Variants in TM7SF3 observed in about 807,000 individuals in gnomAD.
The protein encoded by TM7SF3 is transmembrane 7 superfamily member 3.
TM7SF3 carries 60 observed loss-of-function variants against 65.5 expected under a neutral mutation model. The observed-to-expected ratio is 0.92, with a 90% CI of 0.74 to 1.14. TM7SF3 has a LOEUF of 1.14. Ranked by LOEUF, TM7SF3 falls within the 50% of genes most tolerant of loss-of-function variation. The pLI is 0.00. For missense variants in TM7SF3, 623 were observed against 684.8 expected, an observed-to-expected ratio of 0.91 and a Z score of 1.01; for synonymous variants, 264 against 259.6, an observed-to-expected ratio of 1.02 and a Z score of -0.16.
chr12:27,010,419 A>G (rs1307190503), intron 1 of TM7SF3, among the ~76,000 whole-genome samples: 1 of 152,256 alleles, frequency 6.6e-6, no homozygotes, highest in Non-Finnish European at 1.5e-5. Flanking sequence ...GTTGAGAAAG[A>G]GACTTCCGAA....
Position 26,979,935 on chromosome 12 carries a change from C to G in TM7SF3, c.1038G>C (p.Val346=). The G allele has an allele frequency of 6.2e-7, 1 of 1,614,108 alleles. No homozygotes were observed. The change falls in exon 9 of 12, where the codon GTG becomes GTC. Residue 346 remains valine (V), a splice_region_variant and synonymous_variant. Coordinates refer to ENST00000343028, the MANE Select transcript of TM7SF3 (RefSeq NM_016551.3). The part of the protein sequence containing the change: ...ITRLTPIKYD[V]NLILTAVTGS... ...CAGTGACAGCTGTCAGAATCAGATT[C>G]ACTGTACAAAGAGAGAGGATGAACT...
At position 27,000,785 on chromosome 12, in the gene TM7SF3, A is replaced by G. The variant is rs117636066; in HGVS notation, c.247-1109T>C. On this transcript the variant is annotated intron_variant, in intron 2 of 11. Transcript: ENST00000343028. ...ATAAAGTATACTTTTAAGTGTTGAT[A>G]TACAGACACCTGTGAAACCATTACC... 6.9e-4 allele frequency among the ~76,000 whole-genome samples: 105 copies of G among 152,286 alleles called. No individual in the cohort carries two copies. In the East Asian group the frequency reaches 0.02, roughly 28 times the overall value.
rs1259981405 is a variant in TM7SF3 at position 26,971,958 on chromosome 12, C to G, written c.*2007G>C. 1 of 152,112 alleles carries G rather than the reference C, an allele frequency of 6.6e-6. No individual in the cohort carries two copies. Among genetic ancestry groups the G allele is most frequent in the Non-Finnish European group, 1.5e-5 (1 of 68,014 alleles). 9.4% of individuals were successfully genotyped at this position (152,112 alleles called of 1,614,324 possible). On this transcript the variant is annotated 3_prime_UTR_variant, in exon 12 of 12. Transcript: ENST00000343028. ...AAAAGTTAAATATTTTTCCAGTTAC[C>G]TGAAACTTCAAAAATCTATTGTACT...
chr12:27,008,602 T>C (rs1370229777), intron 1 of TM7SF3, among the ~76,000 whole-genome samples: 3 of 152,176 alleles, frequency 2.0e-5, no homozygotes. Context: ...TATACCAAGA[T>C]CATGAAGATA....
At chr12:26,993,257 C>A (rs1350334176) in intron 5 of TM7SF3, among the ~76,000 whole-genome samples, 1 of 152,110 alleles carries the variant, frequency 6.6e-6, no homozygotes, top group Non-Finnish European at 1.5e-5. Flanking sequence ...AAACCAAGTT[C>A]CATGCATGGT....
intron 5 of TM7SF3, among the ~76,000 whole-genome samples, chr12:26,992,372 A>G (rs1328372395): frequency 6.6e-6 from 1 of 151,922 alleles, no homozygotes; most frequent in African/African-American, 2.4e-5. Context: ...TCTGCCTCCC[A>G]GGTTCACGCC....
chr12:27,001,911 G>A (rs1940844886), intron 2 of TM7SF3, among the ~76,000 whole-genome samples: 1 of 152,152 alleles, frequency 6.6e-6, no homozygotes, highest in Admixed American at 6.5e-5. Context: ...TAGCTGCAAA[G>A]AACTTGGGCA....
chr12:26,980,697 G>T, intron 7 of TM7SF3, 51 bp from the exon 8 acceptor site: 1 of 916,196 alleles, frequency 1.1e-6, no homozygotes, highest in East Asian at 2.5e-5. Flanking sequence ...CAAAAGCTAT[G>T]GTTAAGCACC....
intron 7 of TM7SF3, among the ~76,000 whole-genome samples, chr12:26,981,786 C>T (rs1003374675): frequency 6.6e-5 from 10 of 152,122 alleles, no homozygotes; most frequent in Admixed American, 2.6e-4. Flanking sequence ...TTTTAATAAT[C>T]GAAAACATCA....
At chr12:27,012,119 T>C (rs1941265812) in intron 1 of TM7SF3, among the ~76,000 whole-genome samples, 1 of 152,154 alleles carries the variant, frequency 6.6e-6, no homozygotes. Context: ...CAAAGCACCA[T>C]GCCATGTAAG....
intron 1 of TM7SF3, among the ~76,000 whole-genome samples, chr12:27,004,326 GATCCC>G (rs1160484421): frequency 2.6e-5 from 4 of 152,098 alleles, no homozygotes; most frequent in Admixed American, 6.5e-5. Flanking sequence ...CAGCAGAAAA[GATCCC>G]AAGTTTCACA....
chr12:27,013,734 C>T, intron 1 of TM7SF3, among the ~76,000 whole-genome samples: 1 of 152,176 alleles, frequency 6.6e-6, no homozygotes, highest in Non-Finnish European at 1.5e-5. Flanking sequence ...TGTCCAGAAG[C>T]TCAGACAGTC....
chr12:26,992,829 T>C (rs543924527), intron 5 of TM7SF3, among the ~76,000 whole-genome samples: 92 of 151,034 alleles, frequency 6.1e-4, no homozygotes, highest in Non-Finnish European at 1.1e-3. Flanking sequence ...TTCTCCTATA[T>C]AACAATACCT....
chr12:26,989,704 C>T (rs960568366), intron 6 of TM7SF3, among the ~76,000 whole-genome samples: 1 of 152,002 alleles, frequency 6.6e-6, no homozygotes, highest in African/African-American at 2.4e-5. Flanking sequence ...ACAACACCTT[C>T]ACTGCCCCCA....
In TM7SF3 at chr12:26,995,341, C is replaced by T. The variant is rs138587503; in HGVS notation, c.586G>A (p.Val196Ile). 6 of 1,614,046 alleles carry T rather than the reference C, an allele frequency of 3.7e-6. No homozygotes were observed. Among genetic ancestry groups the T allele is most frequent in the Non-Finnish European group, 4.2e-6 (5 of 1,180,032 alleles). The change falls in exon 5 of 12, where the codon GTC (valine) becomes ATC (isoleucine). Residue 196 changes from valine to isoleucine, a missense_variant. Coordinates refer to ENST00000343028, the MANE Select transcript of TM7SF3 (RefSeq NM_016551.3). Reference protein sequence around the residue: ...QDSRWRLQYDVYQYFLPENDL... With the variant: ...QDSRWRLQYDIYQYFLPENDL... ...TTCTCAGGCAGAAAATACTGATAGA[C>T]ATCATACTGCAACCTCCACCTGGAG...
chr12:27,010,331 A>G (rs1446311920), intron 1 of TM7SF3, among the ~76,000 whole-genome samples: 1 of 152,232 alleles, frequency 6.6e-6, no homozygotes, highest in Non-Finnish European at 1.5e-5. Flanking sequence ...GAGCAGCCCT[A>G]CGAAAAAATT....
At chr12:27,002,917 C>T (rs1438607496) in intron 2 of TM7SF3, among the ~76,000 whole-genome samples, 2 of 152,058 alleles carry the variant, frequency 1.3e-5, no homozygotes, top group Non-Finnish European at 2.9e-5. Context: ...TATTAAGGCC[C>T]CACTAAAGTA....
chr12:27,007,381 C>A (rs867170529), intron 1 of TM7SF3, among the ~76,000 whole-genome samples: 2 of 152,148 alleles, frequency 1.3e-5, no homozygotes, highest in African/African-American at 4.8e-5. Flanking sequence ...GGAAGTATCT[C>A]TGGGGGTGTA....
At chr12:26,985,432 C>A (rs918040489) in intron 6 of TM7SF3, among the ~76,000 whole-genome samples, 4 of 151,502 alleles carry the variant, frequency 2.6e-5, no homozygotes, top group Non-Finnish European at 5.9e-5. Flanking sequence ...TCAAGACCAA[C>A]CTGGCCAACA....
Sources: allele counts gnomAD v4.1 joint callset (sites outside exome capture counted in the v4.1 genomes callset), GRCh38; gene constraint gnomAD v4.1.1; transcripts MANE v1.5; gene names NCBI Gene and HGNC (gene_info 2026-07-23, HGNC 2026-07-21).